Variants in LAMA2 observed in about 807,000 individuals in gnomAD.
The protein encoded by LAMA2 is laminin subunit alpha-2.
A neutral mutation model predicts 364.8 loss-of-function variants in LAMA2; 269 were observed. The ratio of observed to expected loss-of-function variants is 0.74; its 90% CI spans 0.67 to 0.82. LAMA2 has a LOEUF of 0.82. Among genes scored for constraint, LAMA2 ranks in the 40% least tolerant of loss-of-function variants. LAMA2 has a pLI of 0.00. For missense variants in LAMA2, 3,807 were observed against 3,873.2 expected (o/e 0.98, Z 0.45); for synonymous variants, 1,379 against 1,370.6 (o/e 1.01, Z -0.14).
chr6:128,911,163 A>G (rs1233590032), intron 1 of LAMA2, among the ~76,000 whole-genome samples: 2 of 152,120 alleles, frequency 1.3e-5, no homozygotes, highest in South Asian at 2.1e-4. Context: ...GGTGGGCTAC[A>G]CCCAGTTCGA....
At chr6:129,079,998 A>G (rs1444858663) in intron 3 of LAMA2, among the ~76,000 whole-genome samples, 1 of 152,172 alleles carries the variant, frequency 6.6e-6, no homozygotes, top group Non-Finnish European at 1.5e-5. Context: ...TTATTTGTAT[A>G]AATTATAGTT....
At position 128,935,414 on chromosome 6, in the gene LAMA2, G is replaced by C. The variant is rs578016589; in HGVS notation, c.112+52057G>C. Among the ~76,000 whole-genome samples the C allele has an allele frequency of 7.0e-4, 106 of 152,174 alleles. 1 individual carries two copies. The highest frequency in any genetic ancestry group is 1.3e-3 in the Non-Finnish European group (86 of 67,996). The stretch of plus-strand genomic sequence containing the variant: ...ATAAACTCATCTTTTTTATGACTCT[G>C]TAGTATTCCATGGTGTATATGTGCC... On this transcript the variant is annotated intron_variant, in intron 1 of 64. Transcript: ENST00000421865.
chr6:129,223,574 T>C (rs573208696), intron 12 of LAMA2, among the ~76,000 whole-genome samples: 2 of 152,234 alleles, frequency 1.3e-5, no homozygotes, highest in Non-Finnish European at 2.9e-5. Flanking sequence ...TAGCCAGTTT[T>C]CCCAGCACCA....
chr6:129,345,340 G>A (rs986406364), intron 30 of LAMA2, among the ~76,000 whole-genome samples: 2 of 152,182 alleles, frequency 1.3e-5, no homozygotes, highest in South Asian at 2.1e-4. Context: ...GGGTAGGCCC[G>A]GTTTTGGTTG....
At chr6:128,963,732 C>A (rs573470719) in intron 1 of LAMA2, among the ~76,000 whole-genome samples, 1 of 152,046 alleles carries the variant, frequency 6.6e-6, no homozygotes, top group Non-Finnish European at 1.5e-5. Context: ...ATGGCCAAAA[C>A]GTCCACAAAT....
chr6:128,969,193 A>G (rs1389000063), intron 1 of LAMA2, among the ~76,000 whole-genome samples: 3 of 152,184 alleles, frequency 2.0e-5, no homozygotes, highest in Non-Finnish European at 4.4e-5. Flanking sequence ...AAGATGACAG[A>G]CGGAAAACCA....
intron 17 of LAMA2, among the ~76,000 whole-genome samples, chr6:129,277,836 C>A (rs1788437196): frequency 6.6e-6 from 1 of 152,082 alleles, no homozygotes; most frequent in Admixed American, 6.6e-5. Context: ...TCAGTGAGCA[C>A]CTTTTACTTA....
chr6:129,125,302 A>G (rs889529591), intron 4 of LAMA2, among the ~76,000 whole-genome samples: 1 of 152,210 alleles, frequency 6.6e-6, no homozygotes, highest in African/African-American at 2.4e-5. Flanking sequence ...AGCTGAATAG[A>G]TAGTGTATAG....
At chr6:129,323,449 T>TTGACAG (rs1775085976) in intron 28 of LAMA2, among the ~76,000 whole-genome samples, 2 of 152,194 alleles carry the variant, frequency 1.3e-5, no homozygotes, top group Admixed American at 1.3e-4. Context: ...GCTTGTTACC[T>TTGACAG]GCACTGTTAT....
In LAMA2 at chr6:129,267,136, G is replaced by T. The variant is rs145940188; in HGVS notation, c.2239G>T (p.Gly747Cys). Residue 747 changes from glycine (G) to cysteine (C), a missense_variant, in exon 16 of 65, where the codon GGC (glycine) becomes TGC (cysteine). Transcript: ENST00000421865. The part of the protein sequence containing the change: ...SCWPRHRRVN[G>C]TIFGGICEPC... ...TTGGCCTAGGCACAGGCGAGTTAAC[G>T]GCACTATTTTTGGTGGCATCTGTGA... 3 of 1,613,042 alleles carry T rather than the reference G, an allele frequency of 1.9e-6. No homozygotes were observed. The highest frequency in any genetic ancestry group is 3.3e-4 in the Middle Eastern group (2 of 6,050).
intron 1 of LAMA2, among the ~76,000 whole-genome samples, chr6:128,996,981 A>G (rs1219622735): frequency 6.6e-6 from 1 of 152,286 alleles, no homozygotes; most frequent in Non-Finnish European, 1.5e-5. Flanking sequence ...TTGCAGGGAC[A>G]TGGATGAAGC....
At chr6:128,911,613 T>C (rs1777963903) in intron 1 of LAMA2, among the ~76,000 whole-genome samples, 1 of 152,220 alleles carries the variant, frequency 6.6e-6, no homozygotes, top group African/African-American at 2.4e-5. Flanking sequence ...TCGCTCACGC[T>C]GGGAGCTGTA....
chr6:129,262,668 C>T (rs1444298278), intron 15 of LAMA2, among the ~76,000 whole-genome samples: 3 of 151,954 alleles, frequency 2.0e-5, no homozygotes, highest in Non-Finnish European at 4.4e-5. Context: ...TCATTTTTTC[C>T]TTATCAAAAC....
intron 1 of LAMA2, among the ~76,000 whole-genome samples, chr6:128,884,325 AAG>A (rs1340955724): frequency 6.6e-6 from 1 of 152,154 alleles, no homozygotes; most frequent in African/African-American, 2.4e-5. Context: ...GTAAAAAAAA[AAG>A]AAATATTTAT....
At chr6:129,368,268 G>A (rs984916568) in intron 33 of LAMA2, among the ~76,000 whole-genome samples, 2 of 152,208 alleles carry the variant, frequency 1.3e-5, no homozygotes, top group African/African-American at 4.8e-5. Flanking sequence ...TGCCGTGTGA[G>A]GACACAGGGA....
intron 1 of LAMA2, among the ~76,000 whole-genome samples, chr6:129,027,390 G>GT (rs1187696782): frequency 2.0e-5 from 3 of 152,010 alleles, no homozygotes; most frequent in Non-Finnish European, 2.9e-5. Context: ...ATATCTCTGT[G>GT]TTTTTTGTGG....
chr6:129,170,055 T>C (rs1780030441), intron 9 of LAMA2, among the ~76,000 whole-genome samples: 1 of 152,000 alleles, frequency 6.6e-6, no homozygotes, highest in Admixed American at 6.5e-5. Context: ...TTCTCTCTTT[T>C]TTTCTTTATT....
intron 22 of LAMA2, among the ~76,000 whole-genome samples, chr6:129,303,776 G>T (rs1324488095): frequency 6.6e-6 from 1 of 152,020 alleles, no homozygotes; most frequent in Non-Finnish European, 1.5e-5. Context: ...TGGCCATGGG[G>T]ATTATCCTTT....
At chr6:129,355,691 A>G (rs1202771502) in intron 32 of LAMA2, among the ~76,000 whole-genome samples, 3 of 152,156 alleles carry the variant, frequency 2.0e-5, no homozygotes, top group Non-Finnish European at 4.4e-5. Context: ...TTAGTATAGT[A>G]CTGACTACAG....
Sources: gnomAD v4.1 joint callset for allele counts (sites outside exome capture counted in the v4.1 genomes callset) on GRCh38, gnomAD v4.1.1 for gene constraint, MANE v1.5 for transcripts, NCBI Gene and HGNC (gene_info 2026-07-23, HGNC 2026-07-21) for gene names.